Variants in TSNARE1 observed in about 807,000 individuals in gnomAD.
TSNARE1 encodes the protein t-SNARE domain containing 1.
TSNARE1 carries 49 observed loss-of-function variants against 62.0 expected under a neutral mutation model. That is an observed-to-expected ratio of 0.79 (90% confidence interval 0.63 to 1.00). TSNARE1 has a LOEUF of 1.00. Ranked by LOEUF, TSNARE1 falls within the 50% of genes least tolerant of loss-of-function variation. The probability of loss-of-function intolerance (pLI) is 0.00; values close to 1 mark genes in which losing one functional copy is unlikely to be tolerated. For synonymous variants in TSNARE1, 328 were observed against 294.4 expected (o/e 1.11, Z -1.17); for missense variants, 755 against 700.1 (o/e 1.08, Z -0.88).
rs565252460 is a variant in TSNARE1 at position 142,324,915 on chromosome 8, G to A, written c.893+5986C>T. Among the ~76,000 whole-genome samples the A allele has an allele frequency of 3.3e-5, 5 of 152,392 alleles. No individual in the cohort carries two copies. In the East Asian group the frequency reaches 9.7e-4, roughly 29 times the overall value. ...TGCCGGTCCCTCGGCTGAGGGGGCT[G>A]TGGGAAGAGCCTGTGGCTGGGCTGG... On this transcript the variant is annotated intron_variant, in intron 6 of 13. Transcript: ENST00000524325.
intron 4 of TSNARE1, among the ~76,000 whole-genome samples, chr8:142,332,367 A>T (rs1319074447): frequency 1.3e-5 from 2 of 152,170 alleles, no homozygotes; most frequent in Non-Finnish European, 1.5e-5. Context: ...GTCAGAACAG[A>T]CCAATCCTAG....
intron 4 of TSNARE1, among the ~76,000 whole-genome samples, chr8:142,333,681 A>G (rs1425123364): frequency 6.6e-6 from 1 of 152,180 alleles, no homozygotes; most frequent in East Asian, 1.9e-4. Flanking sequence ...CTGGGTGCAC[A>G]CAGGCCTGTC....
chr8:142,380,905 G>A (rs1836694661), intron 1 of TSNARE1, among the ~76,000 whole-genome samples: 1 of 152,048 alleles, frequency 6.6e-6, no homozygotes, highest in Admixed American at 6.5e-5. Flanking sequence ...GGGGAATGCT[G>A]CAAAATCTTC....
chr8:142,235,878 T>TGG (rs1180362016), intron 12 of TSNARE1, among the ~76,000 whole-genome samples: 1 of 150,672 alleles, frequency 6.6e-6, no homozygotes, highest in Non-Finnish European at 1.5e-5. Context: ...TCATGCAGGG[T>TGG]GGGGGATGGA....
Position 142,402,223 on chromosome 8 carries a change from G to GCAGCAC in TSNARE1, c.-40+875_-40+880dup, listed in dbSNP as rs537232358. On this transcript the variant is annotated intron_variant, in intron 1 of 13. Transcript: ENST00000524325. ...TGAGGGGCGGAGAAGCACCGGCGGA[G>GCAGCAC]CAGCACGCGCGAGGCCCATTTTGAG... Among the ~76,000 whole-genome samples the GCAGCAC allele has an allele frequency of 6.2e-3, 944 of 152,292 alleles. 6 individuals are homozygous for GCAGCAC. The highest frequency in any genetic ancestry group is 0.014 in the Middle Eastern group (4 of 294).
In TSNARE1 at chr8:142,303,029, C is replaced by T. The variant is rs180930539; in HGVS notation, c.1132-2385G>A. ...TCCAGAGCTCTTGCCATGCCCCTCCCGTGTGTGTGGGCATCTGGGGACATG... is the reference window on the plus strand; with the variant it reads ...TCCAGAGCTCTTGCCATGCCCCTCCTGTGTGTGTGGGCATCTGGGGACATG... On this transcript the variant is annotated intron_variant, in intron 9 of 13. Transcript: ENST00000524325. Among the ~76,000 whole-genome samples the T allele has an allele frequency of 2.9e-3, 445 of 152,260 alleles. 4 individuals carry two copies. Among genetic ancestry groups the T allele is most frequent in the African/African-American group, 1.0e-2 (415 of 41,550 alleles).
In TSNARE1 at chr8:142,223,576, TCATC is replaced by T. The variant is rs1369247963; in HGVS notation, c.*11+5893_*11+5896del. On this transcript the variant is annotated intron_variant, in intron 13 of 13. Coordinates refer to ENST00000524325, the MANE Select transcript of TSNARE1 (RefSeq NM_145003.5). The stretch of plus-strand genomic sequence containing the variant: ...TTCACTCACTCACTCATTCACTAAC[TCATC>T]CACTCACTCATTCACTCACTCACTC... 4.8e-3 allele frequency among the ~76,000 whole-genome samples: 91 copies of T among 19,048 alleles called. 7 individuals are homozygous for T. Among genetic ancestry groups the T allele is most frequent in the African/African-American group, 0.026 (81 of 3,168 alleles). 12.5% of individuals were successfully genotyped at this position (19,048 alleles called of 152,430 possible).
chr8:142,366,910 A>G (rs1184034126), intron 1 of TSNARE1, among the ~76,000 whole-genome samples: 1 of 152,258 alleles, frequency 6.6e-6, no homozygotes, highest in Non-Finnish European at 1.5e-5. Flanking sequence ...GAACAATAAA[A>G]GACTCTGGTA....
chr8:142,259,591 C>T (rs1818754299), intron 12 of TSNARE1, among the ~76,000 whole-genome samples: 1 of 152,228 alleles, frequency 6.6e-6, no homozygotes, highest in East Asian at 1.9e-4. Flanking sequence ...GCTCAGGCCT[C>T]AGCAAAATCC....
At chr8:142,242,167 A>G (rs961725002) in intron 12 of TSNARE1, among the ~76,000 whole-genome samples, 3 of 152,212 alleles carry the variant, frequency 2.0e-5, no homozygotes, top group Non-Finnish European at 4.4e-5. Flanking sequence ...CTCATGCCAT[A>G]TACAACAATC....
In TSNARE1 at chr8:142,314,414, C is replaced by T. The variant is rs769885324; in HGVS notation, c.1101G>A (p.Leu367=). 3.1e-6 allele frequency: 5 copies of T among 1,614,038 alleles called. No individual in the cohort carries two copies. The highest frequency in any genetic ancestry group is 1.1e-5 in the South Asian group (1 of 91,022). Residue 367 remains leucine (L), a synonymous_variant, in exon 9 of 14, where the codon CTG becomes CTA. Transcript: ENST00000524325. The part of the protein sequence containing the change: ...QKKIAEKSRA[L]LPMAQRGSKQ... Reference sequence around the variant, plus strand: ...TACTGCCCCTCTGCGCCATGGGAAGCAGCGCTCTGGACTTTTCTGCAATTT... The same window carrying T: ...TACTGCCCCTCTGCGCCATGGGAAGTAGCGCTCTGGACTTTTCTGCAATTT...
intron 11 of TSNARE1, among the ~76,000 whole-genome samples, chr8:142,281,477 C>T (rs890104528): frequency 5.9e-5 from 9 of 151,980 alleles, no homozygotes; most frequent in African/African-American, 1.2e-4. Context: ...TGGAGCCCCA[C>T]CATGGTTGGG....
intron 13 of TSNARE1, 78 bp downstream of exon 13, chr8:142,229,391 TTAGA>T (rs1816992652): frequency 7.2e-6 from 8 of 1,115,978 alleles, no homozygotes; most frequent in Non-Finnish European, 4.1e-6. Context: ...TGGTGGATGG[TTAGA>T]TGGATGGTGG....
chr8:142,344,750 A>G (rs1260224976), intron 3 of TSNARE1, among the ~76,000 whole-genome samples: 1 of 152,206 alleles, frequency 6.6e-6, no homozygotes, highest in Non-Finnish European at 1.5e-5. Flanking sequence ...CTGCCCCTGC[A>G]GCCACCACAG....
At chr8:142,255,419 TCAC>T (rs1818382745) in intron 12 of TSNARE1, among the ~76,000 whole-genome samples, 4 of 121,828 alleles carry the variant, frequency 3.3e-5, no homozygotes, top group Admixed American at 8.0e-5. Context: ...ACCATCACCA[TCAC>T]CACCACCACC....
intron 9 of TSNARE1, among the ~76,000 whole-genome samples, chr8:142,311,643 G>A (rs1186107142): frequency 2.6e-5 from 4 of 152,106 alleles, no homozygotes; most frequent in Non-Finnish European, 5.9e-5. Flanking sequence ...AGAGCTTCTT[G>A]AATCTGTGAC....
intron 9 of TSNARE1, among the ~76,000 whole-genome samples, chr8:142,308,530 T>C (rs562496011): frequency 6.6e-6 from 1 of 152,312 alleles, no homozygotes; most frequent in South Asian, 2.1e-4. Flanking sequence ...GTGGTCCGTG[T>C]CCAGTCTCCA....
At chr8:142,269,658 C>G in intron 12 of TSNARE1, 4 of 985,290 alleles carry the variant, frequency 4.1e-6, no homozygotes, top group Non-Finnish European at 4.8e-6. Flanking sequence ...GGACAAGAAC[C>G]CAGAATGAAG....
intron 12 of TSNARE1, among the ~76,000 whole-genome samples, chr8:142,238,757 A>ACCCCGCACGCCCG (rs1817556049): frequency 1.2e-5 from 1 of 82,862 alleles, no homozygotes; most frequent in Non-Finnish European, 2.4e-5. Context: ...CTGCACGCCC[A>ACCCCGCACGCCCG]CCCCTGCACG....
Sources: gnomAD v4.1 joint callset for allele counts (sites outside exome capture counted in the v4.1 genomes callset) on GRCh38, gnomAD v4.1.1 for gene constraint, MANE v1.5 for transcripts, NCBI Gene and HGNC (gene_info 2026-07-23, HGNC 2026-07-21) for gene names.